GOLGA4: variants seen among roughly 807,000 people sequenced by gnomAD.
The protein encoded by GOLGA4 is golgin A4.
In GOLGA4, 169 loss-of-function variants were observed where a neutral mutation model predicts 265.9. That is an observed-to-expected ratio of 0.64 (90% CI 0.56 to 0.72). GOLGA4 has a LOEUF of 0.72. Among genes scored for constraint, GOLGA4 ranks in the 30% least tolerant of loss-of-function variants. The pLI, the probability that GOLGA4 is intolerant of heterozygous loss-of-function variation, is 0.00. For synonymous variants in GOLGA4, 923 were observed against 855.8 expected (o/e 1.08, Z -1.37); for missense variants, 2,482 against 2,483.4 (o/e 1.00, Z 0.01).
At chr3:37,331,458 T>C (rs908706074) in intron 16 of GOLGA4, among the ~76,000 whole-genome samples, 1 of 152,184 alleles carries the variant, frequency 6.6e-6, no homozygotes, top group South Asian at 2.1e-4. Context: ...CAAATACTAC[T>C]AAAAAGGGCT....
chr3:37,295,252 C>CT (rs2096875099), intron 6 of GOLGA4, among the ~76,000 whole-genome samples, 175 bp downstream of exon 6: 4 of 152,142 alleles, frequency 2.6e-5, no homozygotes, highest in Admixed American at 2.0e-4. Flanking sequence ...GAGTCTTGCT[C>CT]TTTCACCCTG....
At chr3:37,274,472 G>A (rs1377841096) in intron 2 of GOLGA4, among the ~76,000 whole-genome samples, 5 of 151,820 alleles carry the variant, frequency 3.3e-5, no homozygotes, top group African/African-American at 1.2e-4. Flanking sequence ...TAGGTGGATC[G>A]CTTGAGACCA....
chr3:37,304,906 CTAT>C (rs747540526), intron 10 of GOLGA4, among the ~76,000 whole-genome samples: 1 of 151,852 alleles, frequency 6.6e-6, no homozygotes, highest in Non-Finnish European at 1.5e-5. Context: ...AAAATTTTTT[CTAT>C]TAATACTGTC....
chr3:37,300,112 A>G (rs1164033049), intron 9 of GOLGA4, among the ~76,000 whole-genome samples: 26 of 152,196 alleles, frequency 1.7e-4, no homozygotes, highest in East Asian at 1.9e-4. Flanking sequence ...AAAAATGTCT[A>G]CAAATGAATT....
chr3:37,299,092 G>T (rs1352651879), intron 8 of GOLGA4, 72 bp downstream of exon 8: 1 of 1,292,798 alleles, frequency 7.7e-7, no homozygotes. Context: ...AGCATGGCTT[G>T]TACCTCCGGG....
At chr3:37,361,330 T>C in intron 23 of GOLGA4, 25 bp downstream of exon 23, 1 of 1,564,908 alleles carries the variant, frequency 6.4e-7, no homozygotes, top group Non-Finnish European at 8.8e-7. Context: ...ATGTCTTGTG[T>C]CTTTTGTGCA....
At chr3:37,275,773 G>A (rs2096815783) in intron 2 of GOLGA4, 1 of 1,613,492 alleles carries the variant, frequency 6.2e-7, no homozygotes, top group East Asian at 2.2e-5. Context: ...CATTGGATTT[G>A]CTAAAGGAGC....
rs760230316 is a variant in GOLGA4, at chr3:37,282,238, G to A, written c.443G>A (p.Arg148Gln). 11 of 1,614,020 alleles carry A rather than the reference G, an allele frequency of 6.8e-6. No individual in the cohort carries two copies. Among genetic ancestry groups the A allele is most frequent in the African/African-American group, 2.7e-5 (2 of 74,932 alleles). ...QLIQRLRRME[R>Q]SLSSYRGKYS... ...ATTCAGCGGTTGCGAAGAATGGAAC[G>A]AAGCTTAAGTAGCTACAGGGGAAAA... Residue 148 changes from arginine to glutamine, a missense_variant, in exon 3 of 24, where the codon CGA becomes CAA. Coordinates refer to ENST00000361924, the MANE Select transcript of GOLGA4 (RefSeq NM_002078.5).
chr3:37,263,775 T>C (rs2096776482), intron 2 of GOLGA4, among the ~76,000 whole-genome samples: 1 of 152,214 alleles, frequency 6.6e-6, no homozygotes, highest in African/African-American at 2.4e-5. Context: ...CAAATAGTCT[T>C]CATGAATGTT....
Position 37,325,500 on chromosome 3 carries a change from A to T in GOLGA4, c.3614A>T (p.Glu1205Val). The T allele has an allele frequency of 6.2e-7, 1 of 1,613,776 alleles. No individual in the cohort carries two copies. The highest frequency in any genetic ancestry group is 8.5e-7 in the Non-Finnish European group (1 of 1,179,812). ...AAAAGCCTAGAGGACAAGAGCTTGG[A>T]ATTTAAAAAACTGTCTGAGGAACTA... ...SNKSLEDKSLEFKKLSEELAI... is the reference protein window; with the variant it reads ...SNKSLEDKSLVFKKLSEELAI... Residue 1205 changes from glutamate (E) to valine (V), a missense_variant, in exon 14 of 24, where the codon GAA becomes GTA. Physicochemically the swap from Glu to Val is moderately radical, Grantham distance 121 (BLOSUM62 -2). Transcript: ENST00000361924.
In GOLGA4 at chr3:37,342,716, G is replaced by A. The variant is rs550381579; in HGVS notation, c.6472+2517G>A. Among the ~76,000 whole-genome samples, 12 of 152,166 alleles carry A rather than the reference G, an allele frequency of 7.9e-5. No homozygotes were observed. The South Asian group carries it at 2.5e-3, about 32-fold the overall frequency. On this transcript the variant is annotated intron_variant, in intron 20 of 23. Transcript: ENST00000361924. ...TTCTTTTTCATTTTTCCTAGGACAT[G>A]TGGAAATTTTTCTCTAGAATATATA...
intron 9 of GOLGA4, 104 bp from the exon 10 acceptor site, chr3:37,302,074 TCACCATG>T: frequency 1.2e-6 from 1 of 861,110 alleles, no homozygotes; most frequent in Non-Finnish European, 1.9e-6. Context: ...TGGACATGAG[TCACCATG>T]CACCATGCCC....
At chr3:37,354,377 T>C (rs1217379273) in intron 21 of GOLGA4, among the ~76,000 whole-genome samples, 1 of 152,068 alleles carries the variant, frequency 6.6e-6, no homozygotes, top group Non-Finnish European at 1.5e-5. Flanking sequence ...GGTATCTTCT[T>C]TCCTCTCTGT....
rs1338033930 is a variant in GOLGA4 at position 37,251,357 on chromosome 3, A to G, written c.73-38A>G. On this transcript the variant is annotated intron_variant, in intron 1 of 23. Coordinates refer to ENST00000361924, the MANE Select transcript of GOLGA4 (RefSeq NM_002078.5). ...CCTAGTTCATAGTTCACTAGTCAAT[A>G]TAGTCTTGCTAATTTGTGCAATAAT... 2.4e-6 allele frequency: 3 copies of G among 1,268,706 alleles called. No individual in the cohort carries two copies. In the South Asian group the frequency reaches 3.6e-5, roughly 15 times the overall value. The allele number at this position is 1,268,706 out of a possible 1,614,324, so 78.6% of individuals were successfully genotyped here. A position where few individuals can be genotyped will look rare whatever the true frequency, so the allele number is the denominator to read the frequency against.
At chr3:37,328,718 G>A (rs1168286868) in intron 15 of GOLGA4, among the ~76,000 whole-genome samples, 181 bp downstream of exon 15, 1 of 152,134 alleles carries the variant, frequency 6.6e-6, no homozygotes, top group Non-Finnish European at 1.5e-5. Flanking sequence ...CTTAAGGAGA[G>A]AGGGAGCAGG....
At position 37,366,116 on chromosome 3, in the gene GOLGA4, T is replaced by C. The variant is rs1446413879; in HGVS notation, c.*70T>C. Reference sequence around the variant, plus strand: ...ATCTTCATCTTGAAGAAGAGTGACATTGGGTGACTGCTGCTTGGAAAACTG... The same window carrying C: ...ATCTTCATCTTGAAGAAGAGTGACACTGGGTGACTGCTGCTTGGAAAACTG... On this transcript the variant is annotated 3_prime_UTR_variant, in exon 24 of 24. Coordinates refer to ENST00000361924, the MANE Select transcript of GOLGA4 (RefSeq NM_002078.5). 1 of 1,521,050 alleles carries C rather than the reference T, an allele frequency of 6.6e-7. No homozygotes were observed. The highest frequency in any genetic ancestry group is 1.2e-5 in the South Asian group (1 of 81,746). The allele number at this position is 1,521,050 out of a possible 1,614,324, so 94.2% of individuals were successfully genotyped here.
chr3:37,303,299 A>G (rs1008716127), intron 10 of GOLGA4, among the ~76,000 whole-genome samples: 1 of 152,232 alleles, frequency 6.6e-6, no homozygotes, highest in Non-Finnish European at 1.5e-5. Flanking sequence ...CAAACTTAGA[A>G]GCAAAGACAG....
At chr3:37,246,951 TC>T (rs899025723) in intron 1 of GOLGA4, among the ~76,000 whole-genome samples, 4 of 152,194 alleles carry the variant, frequency 2.6e-5, no homozygotes, top group Admixed American at 2.6e-4. Context: ...AGCAAACAGT[TC>T]CACAGATAAC....
At chr3:37,337,876 A>G in intron 19 of GOLGA4, 142 bp downstream of exon 19, 2 of 594,528 alleles carry the variant, frequency 3.4e-6, no homozygotes, top group African/African-American at 1.9e-5. Context: ...CAAAGGTACT[A>G]GAGGTTTTCT....
Sources: gnomAD v4.1 joint callset for allele counts (sites outside exome capture counted in the v4.1 genomes callset) on GRCh38, gnomAD v4.1.1 for gene constraint, MANE v1.5 for transcripts, NCBI Gene and HGNC (gene_info 2026-07-23, HGNC 2026-07-21) for gene names.